The following ATP8B4 variants were observed in gnomAD, a reference collection of about 807,000 sequenced individuals.
The protein encoded by ATP8B4 is probable phospholipid-transporting ATPase IM.
Under a neutral mutation model 145.6 loss-of-function variants are expected in ATP8B4, and 133 were observed. The observed-to-expected ratio is 0.91, with a 90% CI of 0.79 to 1.05. The LOEUF is 1.05. ATP8B4 is among the 50% of genes least tolerant of loss of function. The pLI is 0.00. For synonymous variants in ATP8B4, 507 were observed against 492.9 expected (o/e 1.03, Z -0.38); for missense variants, 1,458 against 1,425.2 (o/e 1.02, Z -0.37).
At chr15:50,008,389 G>A (rs1312451532) in intron 7 of ATP8B4, among the ~76,000 whole-genome samples, 4 of 152,088 alleles carry the variant, frequency 2.6e-5, no homozygotes, top group African/African-American at 9.7e-5. Context: ...ATAACAAGAG[G>A]AAGAGTGGAA....
intron 12 of ATP8B4, among the ~76,000 whole-genome samples, chr15:49,973,160 G>A (rs2045332680): frequency 6.6e-6 from 1 of 152,148 alleles, no homozygotes; most frequent in African/African-American, 2.4e-5. Context: ...CAGTTTTGTG[G>A]AGGACGCTTT....
At chr15:50,027,760 G>GT (rs2050122445) in intron 6 of ATP8B4, among the ~76,000 whole-genome samples, 1 of 152,210 alleles carries the variant, frequency 6.6e-6, no homozygotes, top group African/African-American at 2.4e-5. Flanking sequence ...ACCATAGACA[G>GT]TAAGTTCTCA....
At chr15:50,155,097 T>G (rs1312451884) in intron 1 of ATP8B4, among the ~76,000 whole-genome samples, 1 of 152,170 alleles carries the variant, frequency 6.6e-6, no homozygotes, top group East Asian at 1.9e-4. Context: ...GCTAGTTATT[T>G]TTCTTGTTAA....
intron 1 of ATP8B4, among the ~76,000 whole-genome samples, chr15:50,180,070 T>G (rs1299947223): frequency 6.6e-6 from 1 of 152,106 alleles, no homozygotes; most frequent in Admixed American, 6.6e-5. Context: ...CTAGGTGAAA[T>G]TGATTATACT....
chr15:49,972,896 G>A (rs2045302371), intron 12 of ATP8B4, 106 bp from the exon 13 acceptor site: 3 of 1,040,272 alleles, frequency 2.9e-6, no homozygotes, highest in South Asian at 1.7e-5. Context: ...AGGGGTTAGA[G>A]GAAAATGTGG....
At chr15:50,012,284 G>A (rs1254043052) in intron 6 of ATP8B4, among the ~76,000 whole-genome samples, 1 of 152,132 alleles carries the variant, frequency 6.6e-6, no homozygotes, top group Non-Finnish European at 1.5e-5. Context: ...TAGAAAAAAT[G>A]GGCATGAGTG....
Position 49,898,221 on chromosome 15 carries a change from C to T in ATP8B4, c.2320G>A (p.Asp774Asn), listed in dbSNP as rs373435903. Residue 774 changes from aspartate to asparagine, a missense_variant, in exon 22 of 28, where the codon GAT becomes AAT. Asp to Asn is a conservative substitution (Grantham distance 23, BLOSUM62 1). Transcript: ENST00000284509. ...AHALESDVKNDLLELACMCKT... is the reference protein window; with the variant it reads ...AHALESDVKNNLLELACMCKT... ...CACATGCAAGCAAGTTCTAGGAGATCATTCTTGACATCACTTTCTAGGGCA... is the reference window on the plus strand; with the variant it reads ...CACATGCAAGCAAGTTCTAGGAGATTATTCTTGACATCACTTTCTAGGGCA... 1.2e-6 allele frequency: 2 copies of T among 1,613,494 alleles called. No individual in the cohort carries two copies. Among genetic ancestry groups the T allele is most frequent in the African/African-American group, 2.7e-5 (2 of 74,878 alleles).
At chr15:50,072,921 CCTCTCTCTCTCTCTCTCTCTCTCTCT>C (rs1207432427) in intron 3 of ATP8B4, among the ~76,000 whole-genome samples, 159 of 27,290 alleles carry the variant, frequency 5.8e-3, no homozygotes, top group East Asian at 9.4e-3. Context: ...CTGTGCCCGG[CCTCTCTCTCTCTCTCTCTCTCTCTCT>C]CTCTCTCTCT....
At chr15:49,864,543 C>G (rs1162259320) in intron 26 of ATP8B4, among the ~76,000 whole-genome samples, 1 of 151,708 alleles carries the variant, frequency 6.6e-6, no homozygotes, top group East Asian at 1.9e-4. Flanking sequence ...ATTAATATCC[C>G]TCTTTTATAA....
chr15:50,111,603 G>A (rs1211451165), intron 1 of ATP8B4, among the ~76,000 whole-genome samples: 1 of 152,164 alleles, frequency 6.6e-6, no homozygotes, highest in Non-Finnish European at 1.5e-5. Context: ...GCAGGACATG[G>A]TAGAAGCCTG....
chr15:50,048,164 T>C (rs1026039276), intron 3 of ATP8B4, among the ~76,000 whole-genome samples: 2 of 152,010 alleles, frequency 1.3e-5, no homozygotes, highest in Non-Finnish European at 1.5e-5. Context: ...GGTGGAGAGC[T>C]AGACATTAAC....
intron 10 of ATP8B4, among the ~76,000 whole-genome samples, chr15:49,986,208 C>T (rs565843479): frequency 4.6e-4 from 70 of 152,262 alleles, no homozygotes; most frequent in African/African-American, 1.4e-3. Context: ...AACAAGGTCA[C>T]GGAAATGCAA....
chr15:50,171,263 A>G (rs144024906), intron 1 of ATP8B4, among the ~76,000 whole-genome samples: 68 of 152,364 alleles, frequency 4.5e-4, no homozygotes, highest in African/African-American at 1.5e-3. Context: ...CACTCTATTC[A>G]ACAGCACAAG....
chr15:49,909,585 C>T (rs138546008), intron 20 of ATP8B4, among the ~76,000 whole-genome samples: 14 of 152,148 alleles, frequency 9.2e-5, no homozygotes, highest in African/African-American at 2.9e-4. Flanking sequence ...GCAGGCTCAG[C>T]CTACCACTGC....
At chr15:49,939,692 C>G (rs1047094485) in intron 14 of ATP8B4, among the ~76,000 whole-genome samples, 3 of 152,128 alleles carry the variant, frequency 2.0e-5, no homozygotes, top group African/African-American at 7.2e-5. Flanking sequence ...AAGCTGGTAC[C>G]AATTCTATTG....
intron 20 of ATP8B4, among the ~76,000 whole-genome samples, chr15:49,912,628 C>A (rs2039346497): frequency 6.6e-6 from 1 of 151,850 alleles, no homozygotes. Context: ...TTAAGTATAC[C>A]AAAAAAACTG....
chr15:50,003,273 C>CGTGTGTGT (rs1491248763), intron 7 of ATP8B4, among the ~76,000 whole-genome samples: 64 of 85,944 alleles, frequency 7.4e-4, no homozygotes, highest in South Asian at 3.7e-3. Context: ...ATAGGGTGTG[C>CGTGTGTGT]ATGTGTGTGT....
intron 1 of ATP8B4, among the ~76,000 whole-genome samples, chr15:50,126,827 C>T (rs1035008120): frequency 2.0e-5 from 3 of 152,074 alleles, no homozygotes; most frequent in Non-Finnish European, 2.9e-5. Flanking sequence ...TAACATATGT[C>T]CCTGAGCTGT....
At chr15:49,874,490 G>A (rs975429236) in intron 25 of ATP8B4, among the ~76,000 whole-genome samples, 2 of 152,172 alleles carry the variant, frequency 1.3e-5, no homozygotes, top group Non-Finnish European at 2.9e-5. Context: ...TATTGTCCTT[G>A]AGGAGATGGA....
Sources: allele counts gnomAD v4.1 joint callset (sites outside exome capture counted in the v4.1 genomes callset), GRCh38; gene constraint gnomAD v4.1.1; transcripts MANE v1.5; gene names NCBI Gene and HGNC (gene_info 2026-07-23, HGNC 2026-07-21).